The following SI variants were observed in gnomAD, a reference collection of about 807,000 sequenced individuals.
SI encodes sucrase-isomaltase, intestinal.
In SI, 235 loss-of-function variants were observed where a neutral mutation model predicts 253.3. That is an observed-to-expected ratio of 0.93 (90% CI 0.83 to 1.03). The LOEUF is 1.03. Among genes scored for constraint, SI ranks in the 50% least tolerant of loss-of-function variants. SI has a pLI of 0.00. For missense variants in SI, 2,442 were observed against 2,211.1 expected, an observed-to-expected ratio of 1.10 and a Z score of -2.09; for synonymous variants, 819 against 712.0, an observed-to-expected ratio of 1.15 and a Z score of -2.39.
chr3:165,083,305 T>C (rs1408645352), upstream of SI, among the ~76,000 whole-genome samples: 1 of 151,898 alleles, frequency 6.6e-6, no homozygotes, highest in Non-Finnish European at 1.5e-5. Flanking sequence ...CCTGATTTCA[T>C]GCTTGTGACT....
intron 18 of SI, among the ~76,000 whole-genome samples, chr3:165,040,529 A>G (rs2108218174): frequency 6.6e-6 from 1 of 152,178 alleles, no homozygotes; most frequent in Middle Eastern, 3.4e-3. Context: ...TCTTTAAGTC[A>G]TCACAGAAAG....
intron 25 of SI, among the ~76,000 whole-genome samples, chr3:165,028,342 TA>T (rs1243964712): frequency 6.6e-6 from 1 of 151,528 alleles, no homozygotes; most frequent in Non-Finnish European, 1.5e-5. Flanking sequence ...ATAGAAAGAA[TA>T]TTGTGAAAAT....
At position 165,015,179 on chromosome 3, in the gene SI, G is replaced by C. The variant is rs752288869; in HGVS notation, c.3943C>G (p.Gln1315Glu). 15 of 1,613,364 alleles carry C rather than the reference G, an allele frequency of 9.3e-6. No homozygotes were observed. The highest frequency in any genetic ancestry group is 1.3e-5 in the Non-Finnish European group (15 of 1,179,680). Residue 1315 changes from glutamine to glutamate, a missense_variant, in exon 33 of 48, where the codon CAG becomes GAG. Transcript: ENST00000264382. Reference protein sequence around the residue: ...TKTYPAFERGQQNDVFVKWPN... With the variant: ...TKTYPAFERGEQNDVFVKWPN... ...CATTTGACAAAGACATCATTCTGCT[G>C]TCCTCTTTCAAATGCAGGGTAAGTC...
chr3:165,081,614 C>T (rs1452454513), upstream of SI, among the ~76,000 whole-genome samples: 3 of 151,744 alleles, frequency 2.0e-5, no homozygotes, highest in South Asian at 2.1e-4. Flanking sequence ...ATTTTCACAG[C>T]GATAATGCAG....
At chr3:165,086,963 A>G in the SI span, among the ~76,000 whole-genome samples, 1 of 152,138 alleles carries the variant, frequency 6.6e-6, no homozygotes, top group African/African-American at 2.4e-5. Flanking sequence ...CCCTTATGAG[A>G]CAGTTTCAGT....
chr3:164,982,768 T>C (rs561170541), intron 46 of SI, among the ~76,000 whole-genome samples: 6 of 152,130 alleles, frequency 3.9e-5, no homozygotes, highest in Non-Finnish European at 8.8e-5. Flanking sequence ...AGTGACCCTC[T>C]AGCCTCAGCC....
intron 12 of SI, among the ~76,000 whole-genome samples, chr3:165,057,813 C>A (rs1350261620): frequency 6.6e-6 from 1 of 151,620 alleles, no homozygotes; most frequent in Non-Finnish European, 1.5e-5. Flanking sequence ...ATTTCATCAA[C>A]ACCAGACAAG....
intron 1 of SI, among the ~76,000 whole-genome samples, chr3:165,078,088 T>C (rs1715118245): frequency 6.6e-6 from 1 of 151,530 alleles, no homozygotes; most frequent in South Asian, 2.1e-4. Flanking sequence ...TCTTAAAATA[T>C]ATTTAAGCAT....
rs749466707 is a variant in SI, at chr3:165,074,632, G to T, written c.154C>A (p.Arg52Ser). The T allele has an allele frequency of 3.1e-6, 5 of 1,610,368 alleles. No homozygotes were observed. Among genetic ancestry groups the T allele is most frequent in the Non-Finnish European group, 4.2e-6 (5 of 1,177,344 alleles). ...SDSTSTPATT[R>S]VTTNPSDSGK... ...GAATCAGAAGGATTTGTAGTCACAC[G>T]AGTAGTAGCTGGAGTTGAAGTAGAA... The change falls in exon 3 of 48, where the codon CGT (arginine) becomes AGT (serine). Residue 52 changes from arginine (R) to serine (S), a missense_variant. Transcript: ENST00000264382.
Position 165,067,377 on chromosome 3 carries a change from T to C in SI, c.598A>G (p.Ser200Gly), listed in dbSNP as rs113903766. The change falls in exon 6 of 48, where the codon AGC (serine) becomes GGC (glycine). Residue 200 changes from serine to glycine, a missense_variant. Ser to Gly is a moderately conservative substitution (Grantham distance 56). Coordinates refer to ENST00000264382, the MANE Select transcript of SI (RefSeq NM_001041.4). ...YDVKVAQNPF[S>G]IQVIRKSNGK... ...TTGCTTTTCCTAATAACTTGGATGC[T>C]AAATGGGTTTTGGGCAACCTTCACA... 3,381 of 1,611,914 alleles carry C rather than the reference T, an allele frequency of 2.1e-3. 65 individuals are homozygous for C. In the African/African-American group the frequency reaches 0.038, roughly 18 times the overall value.
intron 1 of SI, among the ~76,000 whole-genome samples, chr3:165,077,575 A>C (rs1715082783): frequency 6.6e-6 from 1 of 151,746 alleles, no homozygotes; most frequent in Admixed American, 6.6e-5. Context: ...TTTCAAAGAA[A>C]ATGAATGTAA....
intron 34 of SI, among the ~76,000 whole-genome samples, chr3:165,011,770 A>G (rs906885852): frequency 6.8e-6 from 1 of 147,652 alleles, no homozygotes; most frequent in Non-Finnish European, 1.5e-5. Flanking sequence ...TTATTTATTT[A>G]TTATTTATTA....
rs201140811 is a variant in SI at position 165,065,272 on chromosome 3, G to A, written c.796C>T (p.Leu266Phe). Residue 266 changes from leucine (L) to phenylalanine (F), a missense_variant, in exon 7 of 48, where the codon CTT (leucine) becomes TTT (phenylalanine). Physicochemically the swap from Leu to Phe is conservative, Grantham distance 22. Transcript: ENST00000264382. ...KTWPIFTRDQ[L>F]PGDNNNNLYG... ...AAATAATTTCTTACATCACCAGGAAGTTGGTCTCGAGTAAAAATTGGCCAT... is the reference window on the plus strand; with the variant it reads ...AAATAATTTCTTACATCACCAGGAAATTGGTCTCGAGTAAAAATTGGCCAT... 10 of 1,599,650 alleles carry A rather than the reference G, an allele frequency of 6.3e-6. No individual in the cohort carries two copies. Among genetic ancestry groups the A allele is most frequent in the Admixed American group, 5.0e-5 (3 of 59,606 alleles).
intron 19 of SI, among the ~76,000 whole-genome samples, chr3:165,039,595 CTT>C (rs1454660647): frequency 6.6e-6 from 1 of 151,626 alleles, no homozygotes; most frequent in Non-Finnish European, 1.5e-5. Flanking sequence ...AATGAGAACT[CTT>C]TGTTATTATG....
At position 165,062,444 on chromosome 3, in the gene SI, A is replaced by G; in HGVS notation, c.947T>C (p.Val316Ala). 1 of 1,605,294 alleles carries G rather than the reference A, an allele frequency of 6.2e-7. No individual in the cohort carries two copies. The highest frequency in any genetic ancestry group is 8.5e-7 in the Non-Finnish European group (1 of 1,172,638). The change falls in exon 9 of 48, where the codon GTT becomes GCT. Residue 316 changes from valine to alanine, a missense_variant. Coordinates refer to ENST00000264382, the MANE Select transcript of SI (RefSeq NM_001041.4). ...IQPTPIVTYRVTGGILDFYIL... is the reference protein window; with the variant it reads ...IQPTPIVTYRATGGILDFYIL... ...GTAAAAATCCAGAATGCCACCGGTA[A>G]CTCTATATGTTACTATTGGAGTAGG...
intron 41 of SI, among the ~76,000 whole-genome samples, chr3:164,993,652 C>T (rs952019247): frequency 5.3e-5 from 8 of 151,376 alleles, no homozygotes; most frequent in Non-Finnish European, 7.4e-5. Context: ...GTAATATCTA[C>T]AATAAGAATT....
chr3:165,040,979 T>C lies in SI; in HGVS notation c.2120A>G (p.His707Arg), dbSNP rs763630229. 3.1e-6 allele frequency: 5 copies of C among 1,612,288 alleles called. No homozygotes were observed. In the Admixed American group the frequency reaches 8.3e-5, roughly 27 times the overall value. ...TCTTGCTACTGTTTCTCCAAACACA[T>C]GGGCTTTATAAAACAGAGTGTAGAG... ...PFLYTLFYKA[H>R]VFGETVARPV... The change falls in exon 18 of 48, where the codon CAT (histidine) becomes CGT (arginine). Residue 707 changes from histidine (H) to arginine (R), a missense_variant. By Grantham distance (29) the His-to-Arg change is conservative. Coordinates refer to ENST00000264382, the MANE Select transcript of SI (RefSeq NM_001041.4).
In SI at chr3:165,049,841, G is replaced by GTATA. The variant is rs1172539478; in HGVS notation, c.1546_1547insTATA (p.Ser516LeufsTer7). On this transcript the variant is annotated frameshift_variant, in exon 14 of 48. Transcript: ENST00000264382. LOFTEE classifies it high-confidence loss of function. ...TTTGTTTACATTACATCCTTTTGTT[G>GTATA]AACCTTGAATAAAGCTGGAAACTTC... 1.2e-6 allele frequency: 2 copies of GTATA among 1,608,650 alleles called. No homozygotes were observed. The highest frequency in any genetic ancestry group is 2.7e-5 in the African/African-American group (2 of 74,738).
chr3:164,993,847 G>C (rs1416304764), intron 41 of SI, among the ~76,000 whole-genome samples: 1 of 151,618 alleles, frequency 6.6e-6, no homozygotes, highest in African/African-American at 2.4e-5. Flanking sequence ...GGAAAAGGTG[G>C]AATGGTCTCC....
Sources: gnomAD v4.1 joint callset for allele counts (sites outside exome capture counted in the v4.1 genomes callset) on GRCh38, gnomAD v4.1.1 for gene constraint, MANE v1.5 for transcripts, NCBI Gene and HGNC (gene_info 2026-07-23, HGNC 2026-07-21) for gene names.